RASAL2: variants seen among roughly 807,000 people sequenced by gnomAD.
The protein encoded by RASAL2 is ras GTPase-activating protein nGAP.
Under a neutral mutation model 128.9 loss-of-function variants are expected in RASAL2, and 58 were observed. That is an observed-to-expected ratio of 0.45 (90% CI 0.36 to 0.56). The LOEUF (loss-of-function observed/expected upper bound fraction) is 0.56. Ranked by LOEUF, RASAL2 falls within the 20% of genes least tolerant of loss-of-function variation. The pLI, the probability that RASAL2 is intolerant of heterozygous loss-of-function variation, is 0.00. For missense variants in RASAL2, 1,360 were observed against 1,601.6 expected (o/e 0.85, Z 2.57); for synonymous variants, 561 against 580.8 (o/e 0.97, Z 0.49).
intron 3 of RASAL2, among the ~76,000 whole-genome samples, chr1:178,371,875 T>C (rs1557937504): frequency 6.6e-6 from 1 of 152,176 alleles, no homozygotes; most frequent in East Asian, 1.9e-4. Context: ...TTTCTTTGAG[T>C]GTCTTTATTC....
chr1:178,446,418 G>A (rs994368897), intron 9 of RASAL2, among the ~76,000 whole-genome samples: 1 of 152,126 alleles, frequency 6.6e-6, no homozygotes, highest in African/African-American at 2.4e-5. Context: ...AAATTTTCTA[G>A]TAGTCACAGT....
chr1:178,376,224 G>A (rs1002501743), intron 3 of RASAL2, among the ~76,000 whole-genome samples: 18 of 152,168 alleles, frequency 1.2e-4, no homozygotes, highest in African/African-American at 4.3e-4. Context: ...CAATGTAAGA[G>A]ACTGTTGATA....
At chr1:178,220,230 T>C (rs1383885328) in intron 1 of RASAL2, among the ~76,000 whole-genome samples, 1 of 152,124 alleles carries the variant, frequency 6.6e-6, no homozygotes, top group Non-Finnish European at 1.5e-5. Context: ...TATTCCTTTA[T>C]AGAGACACAA....
chr1:178,321,670 G>A (rs1324823407), intron 3 of RASAL2, among the ~76,000 whole-genome samples: 1 of 151,766 alleles, frequency 6.6e-6, no homozygotes, highest in Non-Finnish European at 1.5e-5. Context: ...TGTGCCACCA[G>A]AACCAGATAA....
At chr1:178,168,844 G>C (rs918379244) in intron 1 of RASAL2, among the ~76,000 whole-genome samples, 28 of 152,030 alleles carry the variant, frequency 1.8e-4, no homozygotes, top group Non-Finnish European at 7.4e-5. Flanking sequence ...GTGTTTTGCA[G>C]CTCCTATGTA....
intron 1 of RASAL2, among the ~76,000 whole-genome samples, chr1:178,159,549 T>C (rs1397506640): frequency 6.6e-6 from 1 of 152,218 alleles, no homozygotes; most frequent in East Asian, 1.9e-4. Flanking sequence ...CCACTTGTTC[T>C]TTTCTAAAAT....
rs555376948 is a variant in RASAL2, at chr1:178,128,023, T to C, written c.202+33329T>C. ...AATTTTCTGTGGAAGACATTTGATT[T>C]TGTGGAACAAAATTTGAAAGGGCCC... is the stretch of plus-strand genomic sequence containing the variant. On this transcript the variant is annotated intron_variant, in intron 1 of 17. Transcript: ENST00000367649. Among the ~76,000 whole-genome samples, 3 of 152,214 alleles carry C rather than the reference T, an allele frequency of 2.0e-5. No individual in the cohort carries two copies. The South Asian group carries it at 6.2e-4, about 32-fold the overall frequency.
chr1:178,366,155 C>T (rs1168235798), intron 3 of RASAL2, among the ~76,000 whole-genome samples: 3 of 152,006 alleles, frequency 2.0e-5, no homozygotes, highest in African/African-American at 7.2e-5. Flanking sequence ...GAAACAGTTG[C>T]TGGTAAAGGG....
intron 3 of RASAL2, among the ~76,000 whole-genome samples, chr1:178,383,660 C>T (rs1672399674): frequency 6.6e-6 from 1 of 152,134 alleles, no homozygotes; most frequent in African/African-American, 2.4e-5. Context: ...CCATTTCCTC[C>T]TACTATTTCA....
At chr1:178,448,182 GAGAA>G (rs1199907559) in intron 9 of RASAL2, among the ~76,000 whole-genome samples, 1 of 152,088 alleles carries the variant, frequency 6.6e-6, no homozygotes, top group Non-Finnish European at 1.5e-5. Flanking sequence ...GAAGTGATCA[GAGAA>G]AGAGAGAGCA....
At chr1:178,231,976 G>T (rs972453687) in intron 1 of RASAL2, among the ~76,000 whole-genome samples, 24 of 152,302 alleles carry the variant, frequency 1.6e-4, no homozygotes, top group African/African-American at 5.8e-4. Context: ...TATGTTTAAA[G>T]GAATAGGTAT....
intron 1 of RASAL2, among the ~76,000 whole-genome samples, chr1:178,274,111 T>G (rs1376200557): frequency 6.6e-6 from 1 of 152,198 alleles, no homozygotes; most frequent in Non-Finnish European, 1.5e-5. Context: ...CTATTAAAGA[T>G]TTTTAGTGCT....
rs553410294 is a variant in RASAL2 at position 178,227,968 on chromosome 1, A to G, written c.203-55596A>G. On this transcript the variant is annotated intron_variant, in intron 1 of 17. Transcript: ENST00000367649. ...TTTAAAATTCCTAAATTCATTATAT[A>G]TATTTGAGAAAATTCAGAAAATGAA... is the stretch of plus-strand genomic sequence containing the variant. Among the ~76,000 whole-genome samples the G allele has an allele frequency of 9.8e-5, 15 of 152,328 alleles. No homozygotes were observed. In the South Asian group the frequency reaches 2.9e-3, roughly 29 times the overall value.
In RASAL2 at chr1:178,312,430, A is replaced by G. The variant is rs568587192; in HGVS notation, c.457+12312A>G. On this transcript the variant is annotated intron_variant, in intron 3 of 17. Transcript: ENST00000367649. The stretch of plus-strand genomic sequence containing the variant: ...AAATTTTTTTCCAGTCCAGAATTGT[A>G]TATTTAGCTGTAAACTATTAGTCAA... 1.5e-4 allele frequency among the ~76,000 whole-genome samples: 23 copies of G among 152,330 alleles called. No homozygotes were observed. The South Asian group carries it at 3.5e-3, about 23-fold the overall frequency.
At chr1:178,414,853 A>G (rs146603071) in intron 4 of RASAL2, among the ~76,000 whole-genome samples, 56 of 152,240 alleles carry the variant, frequency 3.7e-4, no homozygotes, top group African/African-American at 1.2e-3. Context: ...CTTTCAAGGA[A>G]TTGATCTGTT....
At chr1:178,280,719 T>A (rs1296172058) in intron 1 of RASAL2, among the ~76,000 whole-genome samples, 1 of 152,134 alleles carries the variant, frequency 6.6e-6, no homozygotes, top group Non-Finnish European at 1.5e-5. Context: ...AGTATCCTCC[T>A]AGGAATGGAC....
chr1:178,371,653 G>A (rs955387102), intron 3 of RASAL2, among the ~76,000 whole-genome samples: 2 of 152,116 alleles, frequency 1.3e-5, no homozygotes, highest in Non-Finnish European at 2.9e-5. Context: ...TTCGTAAAGG[G>A]GGCTGTTGAA....
chr1:178,121,235 A>G (rs926792296), intron 1 of RASAL2: 7 of 152,160 alleles, frequency 4.6e-5, no homozygotes, highest in Non-Finnish European at 8.8e-5. Context: ...TTTTCTCTTA[A>G]TGTTTCCTTT....
chr1:178,142,208 C>T (rs906047861), intron 1 of RASAL2, among the ~76,000 whole-genome samples: 1 of 152,052 alleles, frequency 6.6e-6, no homozygotes, highest in African/African-American at 2.4e-5. Flanking sequence ...GGGTTTGACT[C>T]GAGTGCGATG....
Sources: gnomAD v4.1 joint callset for allele counts (sites outside exome capture counted in the v4.1 genomes callset) on GRCh38, gnomAD v4.1.1 for gene constraint, MANE v1.5 for transcripts, NCBI Gene and HGNC (gene_info 2026-07-23, HGNC 2026-07-21) for gene names.